The following SLC12A8 variants were observed in gnomAD, a reference collection of about 807,000 sequenced individuals.
SLC12A8 encodes cation-chloride cotransporter 9.
SLC12A8 carries 69 observed loss-of-function variants against 75.6 expected under a neutral mutation model. The ratio of observed to expected loss-of-function variants is 0.91; its 90% CI spans 0.75 to 1.11. SLC12A8 has a LOEUF of 1.11. Ranked by LOEUF, SLC12A8 falls within the 50% of genes most tolerant of loss-of-function variation. The pLI is 0.00. For missense variants in SLC12A8, 877 were observed against 896.7 expected (o/e 0.98, Z 0.28); for synonymous variants, 365 against 372.8 (o/e 0.98, Z 0.24).
In SLC12A8 at chr3:125,084,023, A is replaced by T; in HGVS notation, c.2012T>A (p.Ile671Asn). 6.2e-7 allele frequency: 1 copy of T among 1,612,980 alleles called. No homozygotes were observed. Among genetic ancestry groups the T allele is most frequent in the Non-Finnish European group, 8.5e-7 (1 of 1,179,576 alleles). ...AACCTTAGCCAGGGACGGCGCCAAG[A>T]TGATCTGCTCCTGAGGGGACCGCAA... Reference protein sequence around the residue: ...RSLRSPQEQIILAPSLAKVDM... With the variant: ...RSLRSPQEQINLAPSLAKVDM... The change falls in exon 14 of 14, where the codon ATC becomes AAC. Residue 671 changes from isoleucine to asparagine, a missense_variant. By Grantham distance (149) the Ile-to-Asn change is moderately radical. Coordinates refer to ENST00000469902, the MANE Select transcript of SLC12A8 (RefSeq NM_024628.6).
Position 125,083,739 on chromosome 3 carries a change from G to A in SLC12A8, c.*151C>T. ...TCTGTCTCAAAAAAAAAAAAAAAGG[G>A]AAAAGAAAATGTAGATTTCCATTGT... On this transcript the variant is annotated 3_prime_UTR_variant, in exon 14 of 14. Coordinates refer to ENST00000469902, the MANE Select transcript of SLC12A8 (RefSeq NM_024628.6). The A allele has an allele frequency of 1.3e-6, 1 of 789,966 alleles. No individual in the cohort carries two copies. The highest frequency in any genetic ancestry group is 1.9e-6 in the Non-Finnish European group (1 of 526,728). 48.9% of individuals were successfully genotyped at this position (789,966 alleles called of 1,614,324 possible).
At chr3:125,170,391 T>A (rs1934382226) in intron 5 of SLC12A8, among the ~76,000 whole-genome samples, 1 of 152,248 alleles carries the variant, frequency 6.6e-6, no homozygotes, top group African/African-American at 2.4e-5. Context: ...TACTCATCAG[T>A]AAGCTAATCT....
At chr3:125,198,865 C>T (rs1406117217) in intron 2 of SLC12A8, among the ~76,000 whole-genome samples, 2 of 151,594 alleles carry the variant, frequency 1.3e-5, no homozygotes, top group Non-Finnish European at 2.9e-5. Flanking sequence ...GCAAGCTCCA[C>T]CTCTCGAGTT....
chr3:125,210,137 T>A (rs1295084642), intron 2 of SLC12A8, among the ~76,000 whole-genome samples: 1 of 152,222 alleles, frequency 6.6e-6, no homozygotes, highest in East Asian at 1.9e-4. Context: ...CTTATGACAA[T>A]TTAACTTGCA....
At position 125,187,181 on chromosome 3, in the gene SLC12A8, CAAG is replaced by C. The variant is rs1934804546; in HGVS notation, c.390+53_390+55del. ...TCCCCAGGTCAAGTGAGGAAATGGA[CAAG>C]AAGAAAGTGGCAGAGGGCCAGGCAG... On this transcript the variant is annotated intron_variant, in intron 4 of 13. Coordinates refer to ENST00000469902, the MANE Select transcript of SLC12A8 (RefSeq NM_024628.6). 5 of 1,571,286 alleles carry C rather than the reference CAAG, an allele frequency of 3.2e-6. No individual in the cohort carries two copies. In the Admixed American group the frequency reaches 8.4e-5, roughly 26 times the overall value.
At chr3:125,149,052 A>T (rs1331850585) in intron 5 of SLC12A8, among the ~76,000 whole-genome samples, 1 of 152,146 alleles carries the variant, frequency 6.6e-6, no homozygotes. Context: ...CTCAGGGCTG[A>T]GGCGGGCGAG....
chr3:125,199,099 TA>T (rs1935070393), intron 2 of SLC12A8, among the ~76,000 whole-genome samples: 2 of 152,198 alleles, frequency 1.3e-5, no homozygotes, highest in South Asian at 4.1e-4. Context: ...TTTTCTATGT[TA>T]AATGTCCTGA....
chr3:125,210,372 G>A (rs765084291), intron 2 of SLC12A8, among the ~76,000 whole-genome samples: 4 of 152,210 alleles, frequency 2.6e-5, no homozygotes, highest in East Asian at 1.9e-4. Flanking sequence ...TGGGGAACTC[G>A]ACTTGAGACT....
intron 6 of SLC12A8, among the ~76,000 whole-genome samples, chr3:125,133,566 C>T (rs767494984): frequency 6.6e-5 from 10 of 151,998 alleles, no homozygotes; most frequent in Non-Finnish European, 1.2e-4. Context: ...GCTGGGACTA[C>T]AGGTGCATGC....
At chr3:125,086,006 G>A (rs1938451696) in intron 13 of SLC12A8, among the ~76,000 whole-genome samples, 1 of 151,830 alleles carries the variant, frequency 6.6e-6, no homozygotes, top group South Asian at 2.1e-4. Flanking sequence ...CCGGGTTCAA[G>A]TGATTCTCCT....
intron 2 of SLC12A8, 93 bp from the exon 3 acceptor site, chr3:125,190,614 T>G (rs893310625): frequency 2.2e-5 from 32 of 1,468,900 alleles, no homozygotes; most frequent in African/African-American, 1.8e-4. Context: ...GTAGGAGAAC[T>G]CAGCTTAAAA....
At chr3:125,184,605 T>G (rs1934733916) in intron 4 of SLC12A8, among the ~76,000 whole-genome samples, 1 of 151,720 alleles carries the variant, frequency 6.6e-6, no homozygotes, top group Non-Finnish European at 1.5e-5. Context: ...AATAAATGAA[T>G]GCACACATGC....
chr3:125,202,827 C>A (rs1395280027), intron 2 of SLC12A8, among the ~76,000 whole-genome samples: 1 of 152,042 alleles, frequency 6.6e-6, no homozygotes, highest in Admixed American at 6.5e-5. Flanking sequence ...GTGGCTCAGG[C>A]CTGTAATCCC....
At chr3:125,110,150 A>G in intron 9 of SLC12A8, 39 bp downstream of exon 9, 3 of 1,593,500 alleles carry the variant, frequency 1.9e-6, no homozygotes, top group Non-Finnish European at 2.6e-6. Context: ...GCAGCAAAAC[A>G]TGTTTCAAAA....
chr3:125,205,980 T>C (rs1177221622), intron 2 of SLC12A8, among the ~76,000 whole-genome samples: 1 of 151,944 alleles, frequency 6.6e-6, no homozygotes, highest in Non-Finnish European at 1.5e-5. Context: ...TAAATATGCT[T>C]AAAGAAAAAA....
intron 2 of SLC12A8, among the ~76,000 whole-genome samples, chr3:125,209,768 C>G (rs657371): frequency 0.91 from 138,604 of 152,340 alleles, 63,269 homozygotes; most frequent in African/African-American, 0.98. Flanking sequence ...AGGGCCCTGG[C>G]GGCCAAGATG....
At position 125,187,425 on chromosome 3, in the gene SLC12A8, T is replaced by C; in HGVS notation, c.202A>G (p.Asn68Asp). 1 of 1,613,902 alleles carries C rather than the reference T, an allele frequency of 6.2e-7. No individual in the cohort carries two copies. Among genetic ancestry groups the C allele is most frequent in the Non-Finnish European group, 8.5e-7 (1 of 1,179,898 alleles). The change falls in exon 4 of 14, where the codon AAC (asparagine) becomes GAC (aspartate). Residue 68 changes from asparagine (N) to aspartate (D), a missense_variant. Transcript: ENST00000469902. The stretch of plus-strand genomic sequence containing the variant: ...AACATGCCCAGGAGCACTCCTGTGT[T>C]TCCCTGCAGCAGAATAGCAAGGAGC... ...LFLRTGWLVG[N>D]TGVLLGMFLV...
At chr3:125,186,054 A>G (rs1934775051) in intron 4 of SLC12A8, among the ~76,000 whole-genome samples, 2 of 152,202 alleles carry the variant, frequency 1.3e-5, no homozygotes, top group African/African-American at 4.8e-5. Flanking sequence ...CATCCATGGC[A>G]TCTGCCTCTA....
intron 6 of SLC12A8, chr3:125,126,078 T>G (rs2981514): frequency 0.13 from 26,583 of 201,222 alleles, 2,103 homozygotes; most frequent in Admixed American, 0.17. Context: ...CTGTCTGGTC[T>G]GCACACTGTT....
Sources: allele counts gnomAD v4.1 joint callset (sites outside exome capture counted in the v4.1 genomes callset), GRCh38; gene constraint gnomAD v4.1.1; transcripts MANE v1.5; gene names NCBI Gene and HGNC (gene_info 2026-07-23, HGNC 2026-07-21).